Variants in RAI1 observed in about 807,000 individuals in gnomAD.
The protein encoded by RAI1 is retinoic acid induced 1.
Under a neutral mutation model 123.8 loss-of-function variants are expected in RAI1, and 9 were observed. That is an observed-to-expected ratio of 0.07 (90% CI 0.04 to 0.13). The LOEUF is 0.13. RAI1 is among the 10% of genes least tolerant of loss of function. The pLI, the probability that RAI1 is intolerant of heterozygous loss-of-function variation, is 1.00. For missense variants in RAI1, 2,256 were observed against 2,545.8 expected, an observed-to-expected ratio of 0.89 and a Z score of 2.45; for synonymous variants, 1,231 against 1,127.3, an observed-to-expected ratio of 1.09 and a Z score of -1.84.
intron 2 of RAI1, among the ~76,000 whole-genome samples, chr17:17,738,941 G>A (rs1916527930): frequency 6.6e-6 from 1 of 152,170 alleles, no homozygotes; most frequent in South Asian, 2.1e-4. Context: ...CACGCTGCCC[G>A]TAGTATCCTG....
At chr17:17,803,657 A>C (rs2032532814) in intron 3 of RAI1, 99 bp from the exon 4 acceptor site, 1 of 1,134,102 alleles carries the variant, frequency 8.8e-7, no homozygotes. Context: ...GAGTGCTGGG[A>C]TTACAGGCAT....
chr17:17,758,446 G>A (rs540165591), intron 2 of RAI1, among the ~76,000 whole-genome samples: 1 of 152,342 alleles, frequency 6.6e-6, no homozygotes, highest in Non-Finnish European at 1.5e-5. Context: ...GGACAGGGAC[G>A]GGCTCCGGGA....
intron 1 of RAI1, among the ~76,000 whole-genome samples, chr17:17,718,134 C>A (rs151333879): frequency 6.6e-6 from 1 of 152,176 alleles, no homozygotes; most frequent in Non-Finnish European, 1.5e-5. Flanking sequence ...TCTCCCCTCT[C>A]CCCCTGCTTC....
rs1335861482 is a variant in RAI1, at chr17:17,803,629, TC to T, written c.5566-124del. On this transcript the variant is annotated intron_variant, in intron 3 of 5. Coordinates refer to ENST00000353383, the MANE Select transcript of RAI1 (RefSeq NM_030665.4). ...TCAAACTCCTGGACTCAGGCGATCCTCCCACCTTGGCCTCCCAGAGTGCTGG... is the reference window on the plus strand; with the variant it reads ...TCAAACTCCTGGACTCAGGCGATCCTCCACCTTGGCCTCCCAGAGTGCTGG... The T allele has an allele frequency of 4.1e-5, 35 of 855,462 alleles. No individual in the cohort carries two copies. The East Asian group carries it at 8.3e-4, about 20-fold the overall frequency. 53.0% of individuals were successfully genotyped at this position (855,462 alleles called of 1,614,324 possible). A position where few individuals can be genotyped will look rare whatever the true frequency, so the allele number is the denominator to read the frequency against.
intron 2 of RAI1, among the ~76,000 whole-genome samples, chr17:17,725,710 G>A (rs745627954): frequency 1.6e-4 from 25 of 152,270 alleles, no homozygotes; most frequent in Admixed American, 9.1e-4. Context: ...CAGGCAAGCA[G>A]CCAGGCTATC....
rs184602400 is a variant in RAI1 at position 17,753,819 on chromosome 17, C to T, written c.-17+29660C>T. 3.9e-5 allele frequency among the ~76,000 whole-genome samples: 6 copies of T among 152,340 alleles called. 1 individual carries two copies. The highest frequency in any genetic ancestry group is 2.0e-4 in the Admixed American group (3 of 15,304). ...CCTCTCCAGGCTCTAGAAAGTCTAC[C>T]GTTCTCTGCCCCAGACCCTGGCTCC... On this transcript the variant is annotated intron_variant, in intron 2 of 5. Coordinates refer to ENST00000353383, the MANE Select transcript of RAI1 (RefSeq NM_030665.4).
chr17:17,805,173 T>C (rs2143005481), intron 4 of RAI1, among the ~76,000 whole-genome samples: 1 of 152,270 alleles, frequency 6.6e-6, no homozygotes, highest in African/African-American at 2.4e-5. Flanking sequence ...TAGTAGCGTT[T>C]TTAATGTGTG....
In RAI1 at chr17:17,793,929, C is replaced by T. The variant is rs1489247529; in HGVS notation, c.981C>T (p.Ala327=). The T allele has an allele frequency of 3.7e-6, 6 of 1,613,790 alleles. No homozygotes were observed. The highest frequency in any genetic ancestry group is 3.3e-5 in the Admixed American group (2 of 60,008). The part of the protein sequence containing the change: ...QGQGYCQPDA[A]VRTPEQYYQT... ...AGGGCTACTGCCAGCCGGACGCAGC[C>T]GTCCGGACCCCAGAGCAGTACTACC... The change falls in exon 3 of 6, where the codon GCC becomes GCT. Residue 327 remains alanine, a synonymous_variant. Transcript: ENST00000353383.
intron 2 of RAI1, among the ~76,000 whole-genome samples, chr17:17,781,216 C>G (rs964648038): frequency 1.3e-5 from 2 of 152,240 alleles, no homozygotes; most frequent in African/African-American, 2.4e-5. Context: ...GCTCCTTTCT[C>G]AGCCCACCAC....
In RAI1 at chr17:17,754,324, C is replaced by T. The variant is rs201426839; in HGVS notation, c.-17+30165C>T. 9.2e-5 allele frequency among the ~76,000 whole-genome samples: 14 copies of T among 151,660 alleles called. No homozygotes were observed. In the East Asian group the frequency reaches 2.7e-3, roughly 29 times the overall value. ...GGTTCAAGCAGTTCTCCTGCCTCAG[C>T]CCCCCGGGTTCAAGCAACTCTCCTG... is the stretch of plus-strand genomic sequence containing the variant. On this transcript the variant is annotated intron_variant, in intron 2 of 5. Transcript: ENST00000353383.
intron 2 of RAI1, among the ~76,000 whole-genome samples, chr17:17,780,045 G>C (rs560385476): frequency 4.7e-4 from 70 of 147,460 alleles, no homozygotes; most frequent in Non-Finnish European, 7.1e-4. Flanking sequence ...AAAGTGCTCG[G>C]ATTACAGGAG....
At chr17:17,787,708 C>T (rs1382134789) in intron 2 of RAI1, among the ~76,000 whole-genome samples, 2 of 152,146 alleles carry the variant, frequency 1.3e-5, no homozygotes, top group East Asian at 1.9e-4. Context: ...CACCAAGGAT[C>T]GGTGGGGTGG....
intron 1 of RAI1, among the ~76,000 whole-genome samples, chr17:17,715,958 C>A (rs111269570): frequency 1.9e-4 from 29 of 152,316 alleles, no homozygotes; most frequent in African/African-American, 6.5e-4. Flanking sequence ...ACACTGTTAC[C>A]CATTTTGCAG....
At chr17:17,687,993 G>A (rs1914696791) in intron 1 of RAI1, among the ~76,000 whole-genome samples, 1 of 132,288 alleles carries the variant, frequency 7.6e-6, no homozygotes, top group South Asian at 2.3e-4. Flanking sequence ...TAGCACCACT[G>A]CACTCCAGCC....
chr17:17,742,937 G>T (rs1916692223), intron 2 of RAI1, among the ~76,000 whole-genome samples: 1 of 152,184 alleles, frequency 6.6e-6, no homozygotes, highest in African/African-American at 2.4e-5. Context: ...AAGTCTCTGT[G>T]GGGTGAATGT....
chr17:17,787,525 G>A (rs942189750), intron 2 of RAI1, among the ~76,000 whole-genome samples: 3 of 152,182 alleles, frequency 2.0e-5, no homozygotes, highest in Admixed American at 2.0e-4. Flanking sequence ...AGCTCCTCCC[G>A]GCAGCCTTCC....
chr17:17,807,031 C>G (rs925006782), intron 4 of RAI1, among the ~76,000 whole-genome samples: 1 of 152,120 alleles, frequency 6.6e-6, no homozygotes, highest in African/African-American at 2.4e-5. Context: ...CGCCCACCAT[C>G]AGCAGGCGAG....
At position 17,797,549 on chromosome 17, in the gene RAI1, A is replaced by T; in HGVS notation, c.4601A>T (p.Tyr1534Phe). The change falls in exon 3 of 6, where the codon TAT becomes TTT. Residue 1534 changes from tyrosine to phenylalanine, a missense_variant. Transcript: ENST00000353383. ...KQPGHTNYSSYSKRKRLTRGR... is the reference protein window; with the variant it reads ...KQPGHTNYSSFSKRKRLTRGR... ...CCAGGCCACACCAACTACAGCAGCTATTCCAAGCGGAAGCGCCTCACTCGG... is the reference window on the plus strand; with the variant it reads ...CCAGGCCACACCAACTACAGCAGCTTTTCCAAGCGGAAGCGCCTCACTCGG... 1 of 1,613,992 alleles carries T rather than the reference A, an allele frequency of 6.2e-7. No individual in the cohort carries two copies. The highest frequency in any genetic ancestry group is 8.5e-7 in the Non-Finnish European group (1 of 1,179,954).
intron 1 of RAI1, among the ~76,000 whole-genome samples, chr17:17,697,867 C>T (rs1415266240): frequency 6.6e-6 from 1 of 152,180 alleles, no homozygotes; most frequent in East Asian, 1.9e-4. Flanking sequence ...TTGGGGGCAC[C>T]TCTGTGTGTG....
Sources: allele counts gnomAD v4.1 joint callset (sites outside exome capture counted in the v4.1 genomes callset), GRCh38; gene constraint gnomAD v4.1.1; transcripts MANE v1.5; gene names NCBI Gene and HGNC (gene_info 2026-07-23, HGNC 2026-07-21).